Variants in PPM1L observed in about 807,000 individuals in gnomAD.
PPM1L encodes the protein protein phosphatase 1L.
PPM1L carries 13 observed loss-of-function variants against 31.4 expected under a neutral mutation model. The ratio of observed to expected loss-of-function variants is 0.41; its 90% confidence interval spans 0.27 to 0.66. The LOEUF is 0.66. Ranked by LOEUF, PPM1L falls within the 30% of genes least tolerant of loss-of-function variation. The pLI is 0.29. For missense variants in PPM1L, 326 were observed against 453.7 expected (o/e 0.72, Z 2.56); for synonymous variants, 184 against 175.4 (o/e 1.05, Z -0.39).
chr3:160,943,377 G>A (rs559126593), intron 1 of PPM1L, among the ~76,000 whole-genome samples: 1 of 152,276 alleles, frequency 6.6e-6, no homozygotes, highest in South Asian at 2.1e-4. Context: ...TCATCAGTTG[G>A]AGTATTAAAG....
In PPM1L at chr3:161,070,355, A is replaced by C. The variant is rs1440778875; in HGVS notation, c.*1198A>C. ...CAGCAGTCTTCAACATTTGGTTGCA[A>C]ATCTCCATCCACATCAGGGAGCTTT... On this transcript the variant is annotated 3_prime_UTR_variant, in exon 4 of 4. Transcript: ENST00000498165. 1 of 152,176 alleles carries C rather than the reference A, an allele frequency of 6.6e-6. No homozygotes were observed. Among genetic ancestry groups the C allele is most frequent in the Non-Finnish European group, 1.5e-5 (1 of 68,034 alleles). The allele number at this position is 152,176 out of a possible 1,614,324, so 9.4% of individuals were successfully genotyped here.
At chr3:160,972,211 T>TA (rs57480477) in intron 2 of PPM1L, among the ~76,000 whole-genome samples, 7 of 152,138 alleles carry the variant, frequency 4.6e-5, no homozygotes, top group African/African-American at 1.7e-4. Context: ...TCTTTTTTTT[T>TA]ATTATACTTT....
At chr3:161,039,307 CT>C (rs1179414300) in intron 2 of PPM1L, among the ~76,000 whole-genome samples, 1 of 152,128 alleles carries the variant, frequency 6.6e-6, no homozygotes, top group Non-Finnish European at 1.5e-5. Context: ...ACAATTTTGC[CT>C]CTCACCAATT....
intron 1 of PPM1L, among the ~76,000 whole-genome samples, chr3:160,957,378 C>G (rs1715808735): frequency 6.6e-6 from 1 of 152,116 alleles, no homozygotes; most frequent in Admixed American, 6.5e-5. Flanking sequence ...GAGCATGTGT[C>G]TTTATAATAA....
At chr3:161,003,094 G>T (rs1415994788) in intron 2 of PPM1L, among the ~76,000 whole-genome samples, 1 of 151,178 alleles carries the variant, frequency 6.6e-6, no homozygotes, top group African/African-American at 2.4e-5. Flanking sequence ...ATTAAATAGG[G>T]AATCCTTTCC....
intron 2 of PPM1L, among the ~76,000 whole-genome samples, chr3:161,026,856 G>C (rs1027176253): frequency 6.6e-6 from 1 of 152,184 alleles, no homozygotes. Context: ...GCCAATTGTT[G>C]AGTTTAAATC....
intron 2 of PPM1L, among the ~76,000 whole-genome samples, chr3:160,989,928 G>C (rs975112299): frequency 6.6e-6 from 1 of 152,030 alleles, no homozygotes; most frequent in South Asian, 2.1e-4. Flanking sequence ...GCCTCCCAAA[G>C]TTCCAGCATT....
chr3:160,818,166 CA>C (rs1713052880), intron 1 of PPM1L, among the ~76,000 whole-genome samples: 1 of 152,004 alleles, frequency 6.6e-6, no homozygotes, highest in Non-Finnish European at 1.5e-5. Flanking sequence ...GAGCTAAGCA[CA>C]ATGGCTTTGT....
chr3:160,812,963 A>G (rs939511294), intron 1 of PPM1L, among the ~76,000 whole-genome samples: 1 of 152,230 alleles, frequency 6.6e-6, no homozygotes, highest in Non-Finnish European at 1.5e-5. Flanking sequence ...CTTCCAGAAC[A>G]GAATTTCTTG....
intron 1 of PPM1L, among the ~76,000 whole-genome samples, chr3:160,826,438 AT>A: frequency 6.6e-6 from 1 of 152,304 alleles, no homozygotes; most frequent in Middle Eastern, 3.4e-3. Context: ...CAATTGATAA[AT>A]TGAGTGTAGT....
At chr3:160,989,164 A>G (rs1214927318) in intron 2 of PPM1L, among the ~76,000 whole-genome samples, 1 of 152,166 alleles carries the variant, frequency 6.6e-6, no homozygotes, top group African/African-American at 2.4e-5. Flanking sequence ...GTTTCCTATT[A>G]ATATTTCTTA....
rs72619309 is a variant in PPM1L at position 160,855,659 on chromosome 3, C to G, written c.399+98952C>G. On this transcript the variant is annotated intron_variant, in intron 1 of 3. Coordinates refer to ENST00000498165, the MANE Select transcript of PPM1L (RefSeq NM_139245.4). Reference sequence around the variant, plus strand: ...TCAGATACAAATCAAAACCACAGTGCGATACCATTTCACACAAGTCAGAAT... The same window carrying G: ...TCAGATACAAATCAAAACCACAGTGGGATACCATTTCACACAAGTCAGAAT... Among the ~76,000 whole-genome samples, 336 of 152,132 alleles carry G rather than the reference C, an allele frequency of 2.2e-3. 2 individuals are homozygous for G. Among genetic ancestry groups the G allele is most frequent in the African/African-American group, 7.7e-3 (320 of 41,512 alleles).
chr3:160,872,096 T>C (rs1486257724), intron 1 of PPM1L, among the ~76,000 whole-genome samples: 1 of 152,216 alleles, frequency 6.6e-6, no homozygotes, highest in African/African-American at 2.4e-5. Flanking sequence ...AAAGGTGATA[T>C]GGGCTTTTAG....
intron 2 of PPM1L, among the ~76,000 whole-genome samples, chr3:161,057,814 G>T (rs1360832466): frequency 6.6e-6 from 1 of 151,862 alleles, no homozygotes; most frequent in Admixed American, 6.6e-5. Context: ...GAAACCTGAT[G>T]TCAGTTTCAC....
At chr3:161,066,658 T>C (rs1719750207) in intron 3 of PPM1L, among the ~76,000 whole-genome samples, 2 of 152,212 alleles carry the variant, frequency 1.3e-5, no homozygotes. Flanking sequence ...GGATGTATGC[T>C]CTTCATGATG....
chr3:161,019,164 T>C (rs1718169333), intron 2 of PPM1L, among the ~76,000 whole-genome samples: 1 of 151,930 alleles, frequency 6.6e-6, no homozygotes, highest in Non-Finnish European at 1.5e-5. Context: ...ATTAAGATAC[T>C]TGTGGTCATT....
At chr3:160,825,808 G>C (rs77765964) in intron 1 of PPM1L, among the ~76,000 whole-genome samples, 7,354 of 152,062 alleles carry the variant, frequency 0.048, 195 homozygotes, top group South Asian at 0.064. Context: ...GCTCCTTTTG[G>C]CTCTGGCTGA....
intron 1 of PPM1L, among the ~76,000 whole-genome samples, chr3:160,893,485 T>C (rs902559540): frequency 6.6e-6 from 1 of 152,160 alleles, no homozygotes; most frequent in African/African-American, 2.4e-5. Context: ...TTTCCTGATT[T>C]CACAACCAGC....
intron 1 of PPM1L, among the ~76,000 whole-genome samples, chr3:160,952,372 G>T (rs981043768): frequency 6.6e-6 from 1 of 152,160 alleles, no homozygotes; most frequent in Non-Finnish European, 1.5e-5. Flanking sequence ...TTCTTTTCAA[G>T]GGCAGGGAAA....
Sources: allele counts gnomAD v4.1 joint callset (sites outside exome capture counted in the v4.1 genomes callset), GRCh38; gene constraint gnomAD v4.1.1; transcripts MANE v1.5; gene names NCBI Gene and HGNC (gene_info 2026-07-23, HGNC 2026-07-21).